Variants in TMEM68 observed in about 807,000 individuals in gnomAD.
TMEM68 encodes transmembrane protein 68.
TMEM68 carries 25 observed loss-of-function variants against 36.9 expected under a neutral mutation model. That is an observed-to-expected ratio of 0.68 (90% CI 0.49 to 0.95). The LOEUF is 0.95. Among genes scored for constraint, TMEM68 ranks in the 40% least tolerant of loss-of-function variants. The pLI is 0.00. For synonymous variants in TMEM68, 131 were observed against 124.4 expected (o/e 1.05, Z -0.35); for missense variants, 333 against 392.0 (o/e 0.85, Z 1.27).
At chr8:55,768,180 T>C (rs1371959754) in intron 1 of TMEM68, among the ~76,000 whole-genome samples, 1 of 152,034 alleles carries the variant, frequency 6.6e-6, no homozygotes, top group Non-Finnish European at 1.5e-5. Flanking sequence ...TCACTGGATT[T>C]TACAACACAA....
At chr8:55,743,696 ATGTAGGACT>A in intron 6 of TMEM68, 76 bp from the exon 7 acceptor site, 1 of 1,350,968 alleles carries the variant, frequency 7.4e-7, no homozygotes, top group Non-Finnish European at 9.8e-7. Context: ...CAAATTAATT[ATGTAGGACT>A]TACAGGAAGG....
intron 5 of TMEM68, chr8:55,747,336 T>C (rs570431928): frequency 6.6e-6 from 1 of 152,288 alleles, no homozygotes; most frequent in South Asian, 2.1e-4. Context: ...CACTCCAGCC[T>C]GGGTGACAGA....
At chr8:55,769,831 C>T (rs1811097100) in intron 1 of TMEM68, among the ~76,000 whole-genome samples, 1 of 152,126 alleles carries the variant, frequency 6.6e-6, no homozygotes, top group African/African-American at 2.4e-5. Flanking sequence ...TGGGGTTTTG[C>T]CATGTTGGCC....
chr8:55,743,715 G>A, intron 6 of TMEM68, 95 bp from the exon 7 acceptor site: 1 of 1,134,464 alleles, frequency 8.8e-7, no homozygotes, highest in Non-Finnish European at 1.2e-6. Flanking sequence ...TTACAGGAAG[G>A]TGGCAAAAAG....
chr8:55,769,018 TAAAAAAA>T (rs200493179), intron 1 of TMEM68, among the ~76,000 whole-genome samples: 5 of 82,094 alleles, frequency 6.1e-5, no homozygotes, highest in Admixed American at 2.6e-4. Flanking sequence ...ACTCTGTCTT[TAAAAAAA>T]AAAAAAAAAA....
intron 3 of TMEM68, among the ~76,000 whole-genome samples, chr8:55,760,441 T>C (rs1485045826): frequency 6.6e-6 from 1 of 151,918 alleles, no homozygotes; most frequent in Non-Finnish European, 1.5e-5. Context: ...AAGAAGGAAA[T>C]CTAGAGTGGT....
At chr8:55,761,496 T>G (rs1451381965) in intron 3 of TMEM68, 1 of 152,182 alleles carries the variant, frequency 6.6e-6, no homozygotes, top group African/African-American at 2.4e-5. Flanking sequence ...AAATGTATAC[T>G]CCCAGGTATC....
intron 5 of TMEM68, among the ~76,000 whole-genome samples, chr8:55,749,461 C>CT (rs1563429174): frequency 2.0e-5 from 3 of 152,052 alleles, no homozygotes. Flanking sequence ...CCACTTACAA[C>CT]TATACATATA....
chr8:55,760,014 G>A (rs977417579), intron 3 of TMEM68, among the ~76,000 whole-genome samples: 1 of 152,340 alleles, frequency 6.6e-6, no homozygotes, highest in Admixed American at 6.5e-5. Flanking sequence ...GGTGGACCTG[G>A]AGAAGGGATG....
chr8:55,767,257 CATT>C (rs1252425493), intron 1 of TMEM68, among the ~76,000 whole-genome samples: 10 of 152,160 alleles, frequency 6.6e-5, no homozygotes, highest in South Asian at 4.1e-4. Flanking sequence ...TTGCTATCAT[CATT>C]ATTATTCACT....
Position 55,756,317 on chromosome 8 carries a change from G to A in TMEM68, c.420C>T (p.Phe140=), listed in dbSNP as rs1003989176. ...HGAIPIDFYY[F]MAKIFIHKGR... ...CTTTGTGTATAAATATTTTAGCCAT[G>A]AAATAGTAAAAATCTATAGGAATAG... Residue 140 remains phenylalanine, a synonymous_variant, in exon 4 of 8, where the codon TTC becomes TTT. Coordinates refer to ENST00000434581, the MANE Select transcript of TMEM68 (RefSeq NM_001286657.2). 3.1e-5 allele frequency: 49 copies of A among 1,605,704 alleles called. No homozygotes were observed. Among genetic ancestry groups the A allele is most frequent in the Non-Finnish European group, 4.1e-5 (48 of 1,177,324 alleles).
At position 55,740,707 on chromosome 8, in the gene TMEM68, T is replaced by C. The variant is rs117118416; in HGVS notation, c.889-489A>G. On this transcript the variant is annotated intron_variant, in intron 7 of 7. Coordinates refer to ENST00000434581, the MANE Select transcript of TMEM68 (RefSeq NM_001286657.2). ...TTCCAGCTATTAGTAAATTCTAATG[T>C]ATATTTTCTTTTATCACCATACATA... Among the ~76,000 whole-genome samples the C allele has an allele frequency of 4.5e-3, 679 of 152,128 alleles. 6 individuals are homozygous for C. The East Asian group carries it at 0.049, about 11-fold the overall frequency.
In TMEM68 at chr8:55,763,479, C is replaced by T. The variant is rs185263361; in HGVS notation, c.-69-451G>A. 7.9e-3 allele frequency: 1,209 copies of T among 152,372 alleles called. 5 individuals are homozygous for T. Among genetic ancestry groups the T allele is most frequent in the Non-Finnish European group, 0.013 (875 of 68,148 alleles). 9.4% of individuals were successfully genotyped at this position (152,372 alleles called of 1,614,324 possible). On this transcript the variant is annotated intron_variant, in intron 2 of 7. Coordinates refer to ENST00000434581, the MANE Select transcript of TMEM68 (RefSeq NM_001286657.2). Reference sequence around the variant, plus strand: ...TCTCAGTCACTGAAACCTCTGCCTCCCAGGTTCAGGTAATCCTCCTGCCTC... The same window carrying T: ...TCTCAGTCACTGAAACCTCTGCCTCTCAGGTTCAGGTAATCCTCCTGCCTC...
intron 7 of TMEM68, among the ~76,000 whole-genome samples, chr8:55,742,291 T>C (rs931191852): frequency 6.6e-6 from 1 of 152,168 alleles, no homozygotes; most frequent in East Asian, 1.9e-4. Flanking sequence ...TTTTGCAAGA[T>C]GAAAAAATTC....
rs1485277276 is a variant in TMEM68 at position 55,740,109 on chromosome 8, A to G, written c.*23T>C. The G allele has an allele frequency of 3.8e-6, 6 of 1,586,164 alleles. No individual in the cohort carries two copies. The Admixed American group carries it at 6.8e-5, about 18-fold the overall frequency. On this transcript the variant is annotated 3_prime_UTR_variant, in exon 8 of 8. Transcript: ENST00000434581. ...ACATTTAATATAAATGTACTAAATC[A>G]TCTTCTAGTTGACCCTTTGTTATCA... is the stretch of plus-strand genomic sequence containing the variant.
At chr8:55,748,813 A>G (rs961906356) in intron 5 of TMEM68, among the ~76,000 whole-genome samples, 3 of 151,808 alleles carry the variant, frequency 2.0e-5, no homozygotes, top group African/African-American at 7.3e-5. Flanking sequence ...CTGGTCTCGA[A>G]CTCCTGGCCT....
chr8:55,747,664 C>T (rs1331497736), intron 5 of TMEM68: 2 of 151,886 alleles, frequency 1.3e-5, no homozygotes, highest in African/African-American at 2.4e-5. Flanking sequence ...TTGGTAGCTT[C>T]CACAATACTC....
In TMEM68 at chr8:55,763,959, C is replaced by T. The variant is rs1401513872; in HGVS notation, c.-93G>A. On this transcript the variant is annotated 5_prime_UTR_variant, in exon 2 of 8. Transcript: ENST00000434581. ...ACCAGAAGTTAGATAAATATCTTGT[C>T]CCAAACTTCAATGTCTCTATTCTGG... 1.3e-5 allele frequency: 2 copies of T among 152,218 alleles called. No homozygotes were observed. The highest frequency in any genetic ancestry group is 2.1e-4 in the South Asian group (1 of 4,826). The allele number at this position is 152,218 out of a possible 1,614,324, so 9.4% of individuals were successfully genotyped here. A position where few individuals can be genotyped will look rare whatever the true frequency, so the allele number is the denominator to read the frequency against.
chr8:55,760,194 T>C (rs1021528607), intron 3 of TMEM68, among the ~76,000 whole-genome samples: 1 of 152,250 alleles, frequency 6.6e-6, no homozygotes, highest in African/African-American at 2.4e-5. Flanking sequence ...TAGAAAAGAC[T>C]TAAGTAAGAT....
Sources: allele counts gnomAD v4.1 joint callset (sites outside exome capture counted in the v4.1 genomes callset), GRCh38; gene constraint gnomAD v4.1.1; transcripts MANE v1.5; gene names NCBI Gene and HGNC (gene_info 2026-07-23, HGNC 2026-07-21).